Variants in BACE2 observed in about 807,000 individuals in gnomAD.
BACE2 encodes 56 kDa aspartic-like protease.
A neutral mutation model predicts 46.2 loss-of-function variants in BACE2; 17 were observed. The ratio of observed to expected loss-of-function variants is 0.37; its 90% CI spans 0.25 to 0.55. The LOEUF (loss-of-function observed/expected upper bound fraction) is 0.55, where lower values mean the gene tolerates loss of function less well. Ranked by LOEUF, BACE2 falls within the 20% of genes least tolerant of loss-of-function variation. The pLI is 0.82. For missense variants in BACE2, 595 were observed against 698.1 expected (o/e 0.85, Z 1.66); for synonymous variants, 277 against 295.9 (o/e 0.94, Z 0.66).
chr21:41,260,364 T>C (rs892326520), intron 8 of BACE2, among the ~76,000 whole-genome samples: 3 of 152,184 alleles, frequency 2.0e-5, no homozygotes, highest in African/African-American at 7.2e-5. Context: ...AGGCTGGTCT[T>C]GAACCCCTGG....
intron 1 of BACE2, among the ~76,000 whole-genome samples, chr21:41,170,820 T>C (rs1984581272): frequency 6.6e-6 from 1 of 152,234 alleles, no homozygotes; most frequent in Non-Finnish European, 1.5e-5. Context: ...GTAATAGTCA[T>C]AGACAATGTC....
At chr21:41,237,021 C>T (rs1166720479) in intron 2 of BACE2, among the ~76,000 whole-genome samples, 1 of 152,198 alleles carries the variant, frequency 6.6e-6, no homozygotes, top group African/African-American at 2.4e-5. Flanking sequence ...GAAGCTGTCA[C>T]TTTGTTAACA....
intron 8 of BACE2, among the ~76,000 whole-genome samples, chr21:41,258,182 A>G (rs1987840380): frequency 6.6e-6 from 1 of 152,250 alleles, no homozygotes; most frequent in South Asian, 2.1e-4. Flanking sequence ...AGTCAGGAGC[A>G]GAATGGAATT....
chr21:41,251,957 C>T (rs989789852), intron 7 of BACE2, among the ~76,000 whole-genome samples: 1 of 152,148 alleles, frequency 6.6e-6, no homozygotes, highest in Non-Finnish European at 1.5e-5. Flanking sequence ...CTGTCTTCCT[C>T]AGTCCCATTT....
chr21:41,203,213 A>G (rs1986015146), intron 1 of BACE2, among the ~76,000 whole-genome samples: 1 of 152,136 alleles, frequency 6.6e-6, no homozygotes, highest in South Asian at 2.1e-4. Context: ...TATGAAGAAC[A>G]TTACCACACG....
intron 1 of BACE2, among the ~76,000 whole-genome samples, chr21:41,220,390 A>G (rs1184531885): frequency 6.6e-6 from 1 of 152,190 alleles, no homozygotes; most frequent in Non-Finnish European, 1.5e-5. Flanking sequence ...GGTGGGGCTG[A>G]AAGTCCCAGT....
chr21:41,231,323 G>A (rs1986961673), intron 2 of BACE2, among the ~76,000 whole-genome samples: 1 of 152,132 alleles, frequency 6.6e-6, no homozygotes, highest in East Asian at 1.9e-4. Context: ...TGGTGACTTC[G>A]AGAATCACAG....
At chr21:41,226,637 G>A (rs912189997) in intron 2 of BACE2, among the ~76,000 whole-genome samples, 19 of 152,162 alleles carry the variant, frequency 1.2e-4, no homozygotes, top group Non-Finnish European at 1.2e-4. Context: ...ATCCCAAGTC[G>A]CAGGGAGCTT....
At chr21:41,259,670 C>A (rs1004192367) in intron 8 of BACE2, among the ~76,000 whole-genome samples, 7 of 131,586 alleles carry the variant, frequency 5.3e-5, no homozygotes, top group African/African-American at 2.0e-4. Context: ...AGTGTATATT[C>A]TTATCTGAAT....
chr21:41,215,848 A>G (rs1261506206), intron 1 of BACE2, among the ~76,000 whole-genome samples: 6 of 152,168 alleles, frequency 3.9e-5, no homozygotes, highest in African/African-American at 1.2e-4. Flanking sequence ...TATATTTTCA[A>G]TGACCTTTTA....
chr21:41,176,085 A>C (rs1466324905), intron 1 of BACE2: 3 of 152,186 alleles, frequency 2.0e-5, no homozygotes, highest in African/African-American at 7.2e-5. Context: ...TAAATCAGGG[A>C]ATTTGAACAA....
In BACE2 at chr21:41,241,810, C is replaced by T; in HGVS notation, c.619-9C>T. The T allele has an allele frequency of 5.6e-6, 9 of 1,614,044 alleles. No homozygotes were observed. The highest frequency in any genetic ancestry group is 7.6e-6 in the Non-Finnish European group (9 of 1,179,988). ...TAAGCGGGTGCCCCTCTCTGTCGCC[C>T]TCCCGCAGCCATCAAGTTCTCTGGA... On this transcript the variant is annotated splice_polypyrimidine_tract_variant and intron_variant, in intron 3 of 8. Coordinates refer to ENST00000330333, the MANE Select transcript of BACE2 (RefSeq NM_012105.5).
chr21:41,225,877 C>T (rs115058830), intron 1 of BACE2, among the ~76,000 whole-genome samples: 11 of 151,996 alleles, frequency 7.2e-5, no homozygotes, highest in East Asian at 1.9e-4. Flanking sequence ...GGTTTCCAGG[C>T]GAGATTTGGA....
chr21:41,271,118 G>T (rs970080795), intron 8 of BACE2, among the ~76,000 whole-genome samples: 3 of 151,968 alleles, frequency 2.0e-5, no homozygotes, highest in African/African-American at 7.3e-5. Context: ...TAGCCACTCT[G>T]GATTTCTTTT....
intron 1 of BACE2, among the ~76,000 whole-genome samples, chr21:41,220,231 C>A (rs892807441): frequency 5.9e-5 from 9 of 152,172 alleles, no homozygotes; most frequent in African/African-American, 1.7e-4. Flanking sequence ...TACACGCCAC[C>A]CTCCGGGAAC....
intron 1 of BACE2, among the ~76,000 whole-genome samples, chr21:41,201,312 G>A (rs964396988): frequency 1.3e-5 from 2 of 152,258 alleles, no homozygotes; most frequent in African/African-American, 4.8e-5. Flanking sequence ...AATGCATTAA[G>A]TAGAGTTGAG....
chr21:41,192,476 G>A (rs1007425184), intron 1 of BACE2, among the ~76,000 whole-genome samples: 5 of 152,280 alleles, frequency 3.3e-5, no homozygotes, highest in South Asian at 4.1e-4. Flanking sequence ...AGTTCAGGTC[G>A]CATGGTGACT....
intron 8 of BACE2, among the ~76,000 whole-genome samples, chr21:41,270,495 C>T (rs1268328058): frequency 6.6e-6 from 1 of 152,086 alleles, no homozygotes; most frequent in African/African-American, 2.4e-5. Flanking sequence ...TAGTTCATTG[C>T]AGCCTCCATC....
chr21:41,212,275 C>T (rs949164794), intron 1 of BACE2, among the ~76,000 whole-genome samples: 8 of 152,150 alleles, frequency 5.3e-5, no homozygotes, highest in East Asian at 1.9e-4. Flanking sequence ...GATGAGCGAG[C>T]GCTCTCACGT....
Sources: allele counts gnomAD v4.1 joint callset (sites outside exome capture counted in the v4.1 genomes callset), GRCh38; gene constraint gnomAD v4.1.1; transcripts MANE v1.5; gene names NCBI Gene and HGNC (gene_info 2026-07-23, HGNC 2026-07-21).